Variants in FAM53B observed in about 807,000 individuals in gnomAD.
The protein encoded by FAM53B is protein FAM53B.
FAM53B carries 12 observed loss-of-function variants against 32.7 expected under a neutral mutation model. The ratio of observed to expected loss-of-function variants is 0.37; its 90% CI spans 0.24 to 0.59. The LOEUF (loss-of-function observed/expected upper bound fraction) is 0.59, where lower values mean the gene tolerates loss of function less well. FAM53B is among the 20% of genes least tolerant of loss of function. The probability of loss-of-function intolerance (pLI) is 0.72; values close to 1 mark genes in which losing one functional copy is unlikely to be tolerated. For synonymous variants in FAM53B, 234 were observed against 228.7 expected (o/e 1.02, Z -0.21); for missense variants, 477 against 577.7 (o/e 0.83, Z 1.79).
At position 124,706,633 on chromosome 10, in the gene FAM53B, C is replaced by T; in HGVS notation, c.78+3G>A. The T allele has an allele frequency of 6.2e-7, 1 of 1,614,242 alleles. No individual in the cohort carries two copies. Among genetic ancestry groups the T allele is most frequent in the Non-Finnish European group, 8.5e-7 (1 of 1,180,040 alleles). Reference sequence around the variant, plus strand: ...GAAAGCAGGAAGCCTGCCAGGTCCTCACCAGTTCACGGCTGAAGGTCCCAC... The same window carrying T: ...GAAAGCAGGAAGCCTGCCAGGTCCTTACCAGTTCACGGCTGAAGGTCCCAC... On this transcript the variant is annotated splice_donor_region_variant and intron_variant, in intron 2 of 4. Coordinates refer to ENST00000337318, the MANE Select transcript of FAM53B (RefSeq NM_014661.4).
At chr10:124,626,095 G>A (rs1949347178) in intron 4 of FAM53B, among the ~76,000 whole-genome samples, 1 of 152,272 alleles carries the variant, frequency 6.6e-6, no homozygotes, top group Non-Finnish European at 1.5e-5. Context: ...AGATGCGTGT[G>A]CCTGACGCCC....
At chr10:124,692,445 T>G (rs1170879158) in intron 3 of FAM53B, among the ~76,000 whole-genome samples, 2 of 152,130 alleles carry the variant, frequency 1.3e-5, no homozygotes, top group Admixed American at 1.3e-4. Flanking sequence ...CCAGGCGCGG[T>G]GGCTCATGCC....
chr10:124,687,325 TA>T (rs1266517281), intron 3 of FAM53B, among the ~76,000 whole-genome samples: 2 of 151,802 alleles, frequency 1.3e-5, no homozygotes, highest in Non-Finnish European at 2.9e-5. Flanking sequence ...CAAACAACTA[TA>T]ACTCTTTCAA....
chr10:124,631,860 G>C (rs1177478546), intron 4 of FAM53B, among the ~76,000 whole-genome samples: 2 of 152,154 alleles, frequency 1.3e-5, no homozygotes, highest in Non-Finnish European at 2.9e-5. Context: ...AGCCACTCCG[G>C]AAGCAGGCCC....
Position 124,733,636 on chromosome 10 carries a change from T to C in FAM53B, c.-175+10377A>G, listed in dbSNP as rs1331213379. On this transcript the variant is annotated intron_variant, in intron 1 of 4. Coordinates refer to ENST00000337318, the MANE Select transcript of FAM53B (RefSeq NM_014661.4). This position sits in a 1 kb window ranked among gnomAD's most constrained non-coding sequence, Gnocchi z 4.3. ...ACAGACAAGAAGTTCTGGAAGCTCT[T>C]GGGAATCCCAAGGGCGCCTGCTAAA... Among the ~76,000 whole-genome samples the C allele has an allele frequency of 1.3e-5, 2 of 152,242 alleles. No individual in the cohort carries two copies. The highest frequency in any genetic ancestry group is 2.9e-5 in the Non-Finnish European group (2 of 68,042).
At chr10:124,667,024 C>A (rs1359930829) in intron 4 of FAM53B, among the ~76,000 whole-genome samples, 1 of 152,172 alleles carries the variant, frequency 6.6e-6, no homozygotes, top group Admixed American at 6.5e-5. Context: ...GGAACCAAGG[C>A]TGACCCCCAA....
chr10:124,628,635 C>A (rs1291381699), intron 4 of FAM53B, among the ~76,000 whole-genome samples: 1 of 152,198 alleles, frequency 6.6e-6, no homozygotes, highest in Non-Finnish European at 1.5e-5. Flanking sequence ...AGTCCCAAAC[C>A]CACAGCAGTG....
intron 3 of FAM53B, among the ~76,000 whole-genome samples, chr10:124,693,168 C>A (rs1949846423): frequency 6.6e-6 from 1 of 152,112 alleles, no homozygotes; most frequent in South Asian, 2.1e-4. Flanking sequence ...GTATTCTCTT[C>A]CCCACTGTTG....
intron 1 of FAM53B, among the ~76,000 whole-genome samples, chr10:124,725,492 T>C (rs1390523741): frequency 6.6e-6 from 1 of 152,228 alleles, no homozygotes; most frequent in Non-Finnish European, 1.5e-5. Flanking sequence ...CGGCAGTGAG[T>C]GGGAAGCTTC....
intron 4 of FAM53B, among the ~76,000 whole-genome samples, chr10:124,649,215 C>T (rs1949539911): frequency 6.6e-6 from 1 of 152,256 alleles, no homozygotes; most frequent in Non-Finnish European, 1.5e-5. Context: ...TCTTCAACCT[C>T]TAACCTGGGA....
chr10:124,668,966 C>T (rs1949690522), intron 4 of FAM53B, among the ~76,000 whole-genome samples: 2 of 152,246 alleles, frequency 1.3e-5, no homozygotes, highest in Admixed American at 1.3e-4. Flanking sequence ...TGGAGGGCAT[C>T]CGGTGCTGCC....
intron 4 of FAM53B, among the ~76,000 whole-genome samples, chr10:124,640,331 G>A (rs1734799361): frequency 6.6e-6 from 1 of 152,222 alleles, no homozygotes; most frequent in Non-Finnish European, 1.5e-5. Context: ...GGGAGGGATC[G>A]TGTTCCTGAG....
chr10:124,675,062 T>A (rs1467611608), intron 4 of FAM53B, among the ~76,000 whole-genome samples: 2 of 152,228 alleles, frequency 1.3e-5, no homozygotes, highest in African/African-American at 2.4e-5. Context: ...AGTCCCCAGA[T>A]GAACTCCTCT....
chr10:124,743,798 G>A (rs940867782), intron 1 of FAM53B, among the ~76,000 whole-genome samples: 38 of 152,064 alleles, frequency 2.5e-4, no homozygotes, highest in Non-Finnish European at 4.0e-4. Context: ...GCGAGACCGA[G>A]CGCCCGGAGA....
At chr10:124,738,028 T>C (rs1291473392) in intron 1 of FAM53B, among the ~76,000 whole-genome samples, 3 of 152,026 alleles carry the variant, frequency 2.0e-5, no homozygotes, top group Non-Finnish European at 4.4e-5. Context: ...GAAACAGAAA[T>C]GACCTCGATG....
intron 4 of FAM53B, among the ~76,000 whole-genome samples, chr10:124,647,258 CTG>C (rs771456269): frequency 6.6e-5 from 10 of 152,316 alleles, no homozygotes; most frequent in Admixed American, 2.0e-4. Context: ...AATGGGGACT[CTG>C]AGTCTAAGTG....
At chr10:124,626,492 A>C (rs759796691) in intron 4 of FAM53B, among the ~76,000 whole-genome samples, 1 of 151,358 alleles carries the variant, frequency 6.6e-6, no homozygotes. Context: ...CATAACAGAG[A>C]CTGGAGGGAG....
At chr10:124,742,152 G>A (rs1950203973) in intron 1 of FAM53B, among the ~76,000 whole-genome samples, 1 of 152,182 alleles carries the variant, frequency 6.6e-6, no homozygotes, top group Admixed American at 6.5e-5. Context: ...AAAGCGCCTG[G>A]AAGCTGGATC....
intron 4 of FAM53B, chr10:124,671,144 CAT>C (rs1208267156): frequency 2.2e-6 from 1 of 453,432 alleles, no homozygotes; most frequent in Non-Finnish European, 4.5e-6. Flanking sequence ...GTCACCCAGC[CAT>C]GCCGCGTGAC....
Sources: gnomAD v4.1 joint callset for allele counts (sites outside exome capture counted in the v4.1 genomes callset) on GRCh38, gnomAD v4.1.1 for gene constraint, Gnocchi (gnomAD v3.1) non-coding constraint, MANE v1.5 for transcripts, NCBI Gene and HGNC (gene_info 2026-07-23, HGNC 2026-07-21) for gene names.